Variants in SLC1A1 observed in about 807,000 individuals in gnomAD.
The protein encoded by SLC1A1 is solute carrier family 1 member 1.
In SLC1A1, 43 loss-of-function variants were observed where a neutral mutation model predicts 53.3. That is an observed-to-expected ratio of 0.81 (90% CI 0.63 to 1.04). SLC1A1 has a LOEUF of 1.04. Ranked by LOEUF, SLC1A1 falls within the 50% of genes least tolerant of loss-of-function variation. The probability of loss-of-function intolerance (pLI) is 0.00; values close to 1 mark genes in which losing one functional copy is unlikely to be tolerated. For missense variants in SLC1A1, 748 were observed against 664.9 expected (o/e 1.12, Z -1.37); for synonymous variants, 307 against 243.2 (o/e 1.26, Z -2.44).
chr9:4,526,662 C>T (rs924109623), intron 1 of SLC1A1, among the ~76,000 whole-genome samples: 2 of 152,100 alleles, frequency 1.3e-5, no homozygotes, highest in Non-Finnish European at 2.9e-5. Flanking sequence ...TCAGAATACT[C>T]TTTCAAAGAA....
At chr9:4,582,773 T>C (rs1821219093) in intron 10 of SLC1A1, among the ~76,000 whole-genome samples, 1 of 152,222 alleles carries the variant, frequency 6.6e-6, no homozygotes. Context: ...GTGCCACTTA[T>C]GCAGTTCTTC....
At chr9:4,492,028 T>A (rs1820253221) in intron 1 of SLC1A1, among the ~76,000 whole-genome samples, 1 of 152,182 alleles carries the variant, frequency 6.6e-6, no homozygotes, top group Non-Finnish European at 1.5e-5. Flanking sequence ...AAAGTCAGGT[T>A]TCTAGTAAAT....
At chr9:4,491,417 C>T (rs969481586) in intron 1 of SLC1A1, among the ~76,000 whole-genome samples, 1 of 152,208 alleles carries the variant, frequency 6.6e-6, no homozygotes, top group Non-Finnish European at 1.5e-5. Flanking sequence ...GGGAGGTCAC[C>T]GGGGAAGAGA....
chr9:4,557,971 GCCCGC>G (rs1310263108), intron 2 of SLC1A1, among the ~76,000 whole-genome samples: 2 of 152,134 alleles, frequency 1.3e-5, no homozygotes, highest in Non-Finnish European at 1.5e-5. Context: ...GGGTAATAAT[GCCCGC>G]CTCCTTGGGT....
intron 10 of SLC1A1, among the ~76,000 whole-genome samples, chr9:4,579,977 T>C (rs1171797418): frequency 6.6e-6 from 1 of 152,112 alleles, no homozygotes; most frequent in Non-Finnish European, 1.5e-5. Context: ...TCCCAGCACT[T>C]TGGGAGACCT....
At chr9:4,519,673 T>G (rs1455131053) in intron 1 of SLC1A1, among the ~76,000 whole-genome samples, 1 of 152,228 alleles carries the variant, frequency 6.6e-6, no homozygotes, top group Non-Finnish European at 1.5e-5. Flanking sequence ...ATGACATAGG[T>G]ACTCTTCTCA....
In SLC1A1 at chr9:4,549,296, C is replaced by T. The variant is rs1817735999; in HGVS notation, c.232+4589C>T. ...GCACAGCTGCGCCTCCTGGTGTCTG[C>T]TGTGGCTGCCACTACCCCGGTGACC... is the stretch of plus-strand genomic sequence containing the variant. On this transcript the variant is annotated intron_variant, in intron 2 of 11. Transcript: ENST00000262352. This position sits in a 1 kb window ranked among gnomAD's most constrained non-coding sequence, Gnocchi z 4.1. Among the ~76,000 whole-genome samples the T allele has an allele frequency of 6.6e-6, 1 of 152,098 alleles. No individual in the cohort carries two copies. Among genetic ancestry groups the T allele is most frequent in the Non-Finnish European group, 1.5e-5 (1 of 68,024 alleles).
chr9:4,526,177 G>A (rs915706142), intron 1 of SLC1A1, among the ~76,000 whole-genome samples: 32 of 152,082 alleles, frequency 2.1e-4, no homozygotes, highest in African/African-American at 7.0e-4. Flanking sequence ...TGAGCTAAGC[G>A]ATCAACTCCA....
intron 4 of SLC1A1, among the ~76,000 whole-genome samples, chr9:4,564,784 G>C (rs1819321610): frequency 6.6e-6 from 1 of 152,118 alleles, no homozygotes; most frequent in South Asian, 2.1e-4. Flanking sequence ...TAATTGTACA[G>C]GAGAAACTCT....
intron 1 of SLC1A1, among the ~76,000 whole-genome samples, chr9:4,505,478 T>G (rs1820774408): frequency 6.6e-6 from 1 of 152,144 alleles, no homozygotes; most frequent in South Asian, 2.1e-4. Context: ...AGAAATGAGC[T>G]CCCAGAAAAA....
intron 1 of SLC1A1, among the ~76,000 whole-genome samples, chr9:4,519,658 G>C (rs1815996782): frequency 6.6e-6 from 1 of 152,258 alleles, no homozygotes; most frequent in Admixed American, 6.5e-5. Context: ...GCTCAGGACA[G>C]CCATATGACA....
Position 4,549,268 on chromosome 9 carries a change from T to C in SLC1A1, c.232+4561T>C, listed in dbSNP as rs1817733555. ...CCCGCCTGGGCCAGAAGCACTCCAGTGGGCACAGCTGCGCCTCCTGGTGTC... is the reference window on the plus strand; with the variant it reads ...CCCGCCTGGGCCAGAAGCACTCCAGCGGGCACAGCTGCGCCTCCTGGTGTC... On this transcript the variant is annotated intron_variant, in intron 2 of 11. Coordinates refer to ENST00000262352, the MANE Select transcript of SLC1A1 (RefSeq NM_004170.6). This position sits in a 1 kb window ranked among gnomAD's most constrained non-coding sequence, Gnocchi z 4.1. 6.6e-6 allele frequency among the ~76,000 whole-genome samples: 1 copy of C among 152,138 alleles called. No individual in the cohort carries two copies. Among genetic ancestry groups the C allele is most frequent in the Non-Finnish European group, 1.5e-5 (1 of 68,012 alleles).
rs750142585 is a variant in SLC1A1 at position 4,544,648 on chromosome 9, T to A, written c.173T>A (p.Ile58Asn). ...TTCTACTTTGCTTTTCCTGGAGAAA[T>A]TCTAATGCGGATGCTGAAACTCATC... Reference protein sequence around the residue: ...EKFYFAFPGEILMRMLKLIIL... With the variant: ...EKFYFAFPGENLMRMLKLIIL... Residue 58 changes from isoleucine (I) to asparagine (N), a missense_variant, in exon 2 of 12, where the codon ATT becomes AAT. By Grantham distance (149) the Ile-to-Asn change is moderately radical. Coordinates refer to ENST00000262352, the MANE Select transcript of SLC1A1 (RefSeq NM_004170.6). 14 of 1,613,844 alleles carry A rather than the reference T, an allele frequency of 8.7e-6. No individual in the cohort carries two copies. In the South Asian group the frequency reaches 1.5e-4, roughly 18 times the overall value.
intron 2 of SLC1A1, chr9:4,553,925 G>A (rs890172406): frequency 1.5e-4 from 23 of 152,186 alleles, no homozygotes; most frequent in African/African-American, 5.3e-4. Context: ...CATCCAGGGA[G>A]TACTAATCAA....
In SLC1A1 at chr9:4,586,361, C is replaced by A. The variant is rs767837728; in HGVS notation, c.*803C>A. ...AACCCAGGTCTGCTTTGGGGCTTAT[C>A]AGAACTCCTTTCTAAGGAGCACTAG... On this transcript the variant is annotated 3_prime_UTR_variant, in exon 12 of 12. Coordinates refer to ENST00000262352, the MANE Select transcript of SLC1A1 (RefSeq NM_004170.6). The A allele has an allele frequency of 3.3e-5, 5 of 152,086 alleles. No homozygotes were observed. The highest frequency in any genetic ancestry group is 5.9e-5 in the Non-Finnish European group (4 of 68,016). The allele number at this position is 152,086 out of a possible 1,614,324, so 9.4% of individuals were successfully genotyped here.
At position 4,556,616 on chromosome 9, in the gene SLC1A1, T is replaced by G. The variant is rs1420998227; in HGVS notation, c.233-4833T>G. Among the ~76,000 whole-genome samples, 1 of 152,170 alleles carries G rather than the reference T, an allele frequency of 6.6e-6. No homozygotes were observed. Among genetic ancestry groups the G allele is most frequent in the Non-Finnish European group, 1.5e-5 (1 of 68,018 alleles). ...ACTAAAGGGCAAATGAGGTTTTACT[T>G]GTTTGGGACTAAGTTGGGCCTGATC... is the stretch of plus-strand genomic sequence containing the variant. On this transcript the variant is annotated intron_variant, in intron 2 of 11. Coordinates refer to ENST00000262352, the MANE Select transcript of SLC1A1 (RefSeq NM_004170.6). The surrounding 1 kb of genome is among the most constrained non-coding windows in gnomAD (Gnocchi z 4.1).
intron 6 of SLC1A1, among the ~76,000 whole-genome samples, chr9:4,569,176 T>A (rs1436509925): frequency 6.6e-6 from 1 of 152,194 alleles, no homozygotes; most frequent in African/African-American, 2.4e-5. Context: ...TACATAAGCA[T>A]GCAATGCAGG....
At chr9:4,568,100 G>T (rs866646453) in intron 6 of SLC1A1, among the ~76,000 whole-genome samples, 3 of 152,046 alleles carry the variant, frequency 2.0e-5, no homozygotes, top group Admixed American at 6.6e-5. Context: ...GCATTTTTGT[G>T]ATTTTTCTTG....
chr9:4,502,479 TTC>T lies in SLC1A1; in HGVS notation c.91+11713_91+11714del, dbSNP rs1335306886. 2.7e-5 allele frequency among the ~76,000 whole-genome samples: 4 copies of T among 148,582 alleles called. No individual in the cohort carries two copies. The East Asian group carries it at 8.0e-4, about 30-fold the overall frequency. On this transcript the variant is annotated intron_variant, in intron 1 of 11. Coordinates refer to ENST00000262352, the MANE Select transcript of SLC1A1 (RefSeq NM_004170.6). Reference sequence around the variant, plus strand: ...GTGACATATTTTCTCCCTTGAAAAGTTCTCTTTGGCTAACCAACCCTAATATC... The same window carrying T: ...GTGACATATTTTCTCCCTTGAAAAGTTCTTTGGCTAACCAACCCTAATATC...
Sources: gnomAD v4.1 joint callset for allele counts (sites outside exome capture counted in the v4.1 genomes callset) on GRCh38, gnomAD v4.1.1 for gene constraint, Gnocchi (gnomAD v3.1) non-coding constraint, MANE v1.5 for transcripts, NCBI Gene and HGNC (gene_info 2026-07-23, HGNC 2026-07-21) for gene names.